The following CRYBG1 variants were observed in gnomAD, a reference collection of about 807,000 sequenced individuals.
The protein encoded by CRYBG1 is crystallin beta-gamma domain containing 1, also known as beta/gamma crystallin domain-containing protein 1.
In CRYBG1, 139 loss-of-function variants were observed where a neutral mutation model predicts 189.2. The ratio of observed to expected loss-of-function variants is 0.73; its 90% confidence interval spans 0.64 to 0.85. The LOEUF (loss-of-function observed/expected upper bound fraction) is 0.85. Among genes scored for constraint, CRYBG1 ranks in the 40% least tolerant of loss-of-function variants. The probability of loss-of-function intolerance (pLI) is 0.00; values close to 1 mark genes in which losing one functional copy is unlikely to be tolerated. For missense variants in CRYBG1, 2,611 were observed against 2,675.8 expected (o/e 0.98, Z 0.53); for synonymous variants, 1,023 against 1,017.1 (o/e 1.01, Z -0.11).
At chr6:106,469,671 C>T (rs948380324) in intron 2 of CRYBG1, among the ~76,000 whole-genome samples, 1 of 152,234 alleles carries the variant, frequency 6.6e-6, no homozygotes, top group South Asian at 2.1e-4. Context: ...GTTTTGTAAT[C>T]GTTGATATTA....
chr6:106,427,385 A>G (rs1771246207), intron 1 of CRYBG1, among the ~76,000 whole-genome samples: 1 of 152,150 alleles, frequency 6.6e-6, no homozygotes, highest in African/African-American at 2.4e-5. Flanking sequence ...ATCTCAGTAA[A>G]TCTAAATAAT....
At chr6:106,361,632 C>T (rs189508779) in intron 1 of CRYBG1, among the ~76,000 whole-genome samples, 1 of 152,314 alleles carries the variant, frequency 6.6e-6, no homozygotes, top group East Asian at 1.9e-4. Context: ...GGCTTCTCCC[C>T]ATTGGAGCCA....
At chr6:106,551,743 C>G in intron 13 of CRYBG1, 109 bp from the exon 14 acceptor site, 1 of 1,286,752 alleles carries the variant, frequency 7.8e-7, no homozygotes, top group Admixed American at 2.1e-5. Context: ...ATTAAAATTT[C>G]AATTGGCAAA....
At chr6:106,480,078 T>C (rs1004664191) in intron 2 of CRYBG1, among the ~76,000 whole-genome samples, 2 of 152,190 alleles carry the variant, frequency 1.3e-5, no homozygotes, top group African/African-American at 4.8e-5. Context: ...TTTTGAGTTA[T>C]TTTTTGTATG....
intron 11 of CRYBG1, among the ~76,000 whole-genome samples, chr6:106,543,844 G>C (rs896650329): frequency 3.3e-5 from 5 of 152,188 alleles, no homozygotes; most frequent in East Asian, 1.9e-4. Context: ...CTGAGGTCAG[G>C]AGTTCAAGAC....
At chr6:106,406,442 T>A (rs78375694) in intron 1 of CRYBG1, among the ~76,000 whole-genome samples, 3 of 151,988 alleles carry the variant, frequency 2.0e-5, no homozygotes, top group African/African-American at 7.3e-5. Context: ...GGAACCAAGT[T>A]GGAAAACACT....
rs1582850636 is a variant in CRYBG1, at chr6:106,571,913, T to C, written c.*3347T>C. 15 of 835,508 alleles carry C rather than the reference T, an allele frequency of 1.8e-5. No individual in the cohort carries two copies. The East Asian group carries it at 2.9e-4, about 16-fold the overall frequency. 51.8% of individuals were successfully genotyped at this position (835,508 alleles called of 1,614,324 possible). On this transcript the variant is annotated 3_prime_UTR_variant, in exon 22 of 22. Coordinates refer to ENST00000633556, the MANE Select transcript of CRYBG1 (RefSeq NM_001371242.2). ...GTATAATCTAATCTGGAAAAATGTTTGAAAGGGATGGCTAGAAAAAAATTT... is the reference window on the plus strand; with the variant it reads ...GTATAATCTAATCTGGAAAAATGTTCGAAAGGGATGGCTAGAAAAAAATTT...
In CRYBG1 at chr6:106,511,815, C is replaced by T. The variant is rs1773265745; in HGVS notation, c.698C>T (p.Pro233Leu). The change falls in exon 3 of 22, where the codon CCC becomes CTC. Residue 233 changes from proline (P) to leucine (L), a missense_variant. Transcript: ENST00000633556. ...CAGCAGTGCCATGAAAATGATTCAC[C>T]CCAATTAGAACCTCTGGAGGCAGAG... is the stretch of plus-strand genomic sequence containing the variant. ...AVQQCHENDS[P>L]QLEPLEAEGE... 6.6e-7 allele frequency: 1 copy of T among 1,524,162 alleles called. No individual in the cohort carries two copies. The highest frequency in any genetic ancestry group is 2.5e-5 in the East Asian group (1 of 40,698). The allele number at this position is 1,524,162 out of a possible 1,614,324, so 94.4% of individuals were successfully genotyped here. A position where few individuals can be genotyped will look rare whatever the true frequency, so the allele number is the denominator to read the frequency against.
chr6:106,566,489 T>TTTTTTTTTTTTTA (rs1774892430), intron 21 of CRYBG1, among the ~76,000 whole-genome samples: 1 of 142,746 alleles, frequency 7.0e-6, no homozygotes. Context: ...TTTTTTTTTT[T>TTTTTTTTTTTTTA]GAGACGGAGT....
At chr6:106,450,088 G>A (rs1383162312) in intron 1 of CRYBG1, among the ~76,000 whole-genome samples, 2 of 151,908 alleles carry the variant, frequency 1.3e-5, no homozygotes, top group African/African-American at 4.8e-5. Context: ...TTAGCTGGGT[G>A]TGGTGGCACA....
At chr6:106,518,324 A>C (rs1479829886) in intron 3 of CRYBG1, among the ~76,000 whole-genome samples, 3 of 152,256 alleles carry the variant, frequency 2.0e-5, no homozygotes, top group Non-Finnish European at 4.4e-5. Context: ...GGATGAGATG[A>C]ATAAAATATC....
In CRYBG1 at chr6:106,544,552, C is replaced by A. The variant is rs764920909; in HGVS notation, c.5040-19C>A. The A allele has an allele frequency of 3.7e-6, 6 of 1,610,612 alleles. No homozygotes were observed. Among genetic ancestry groups the A allele is most frequent in the Non-Finnish European group, 5.1e-6 (6 of 1,178,688 alleles). On this transcript the variant is annotated intron_variant, in intron 11 of 21. Transcript: ENST00000633556. Reference sequence around the variant, plus strand: ...AACATGTCTGGAAATGACTACTCCTCGTGTTCTTTATGTTGCAGTTGGGTT... The same window carrying A: ...AACATGTCTGGAAATGACTACTCCTAGTGTTCTTTATGTTGCAGTTGGGTT...
chr6:106,488,418 G>A (rs1454549115), intron 2 of CRYBG1, among the ~76,000 whole-genome samples: 1 of 152,184 alleles, frequency 6.6e-6, no homozygotes. Context: ...CTCCAAGCTG[G>A]CTGTCAAACC....
chr6:106,421,156 G>A (rs1340556379), intron 1 of CRYBG1, among the ~76,000 whole-genome samples: 1 of 152,176 alleles, frequency 6.6e-6, no homozygotes, highest in Admixed American at 6.5e-5. Context: ...GCCAAGGAAG[G>A]TGAACAGATG....
intron 2 of CRYBG1, among the ~76,000 whole-genome samples, chr6:106,495,833 AAAAAC>A (rs1239812205): frequency 1.3e-5 from 2 of 150,970 alleles, no homozygotes; most frequent in Non-Finnish European, 3.0e-5. Context: ...AAAAAAAAAA[AAAAAC>A]AACTTTCCCC....
At chr6:106,404,827 TG>T (rs1363271614) in intron 1 of CRYBG1, among the ~76,000 whole-genome samples, 1 of 152,272 alleles carries the variant, frequency 6.6e-6, no homozygotes, top group South Asian at 2.1e-4. Flanking sequence ...GGGACTGTGC[TG>T]TGAGGAACGG....
At chr6:106,549,498 G>A (rs1774349535) in intron 13 of CRYBG1, among the ~76,000 whole-genome samples, 1 of 152,160 alleles carries the variant, frequency 6.6e-6, no homozygotes, top group Non-Finnish European at 1.5e-5. Flanking sequence ...TAGCACTTTA[G>A]GAGGCTGAGG....
chr6:106,438,136 C>T (rs1397218011), intron 1 of CRYBG1, among the ~76,000 whole-genome samples: 2 of 152,192 alleles, frequency 1.3e-5, no homozygotes, highest in African/African-American at 4.8e-5. Flanking sequence ...CCATTCTACA[C>T]CTCCCTGGAA....
At chr6:106,428,377 ATTTTAC>A (rs541736167) in intron 1 of CRYBG1, among the ~76,000 whole-genome samples, 83 of 152,106 alleles carry the variant, frequency 5.5e-4, no homozygotes, top group South Asian at 1.0e-3. Flanking sequence ...TATCTGGTAT[ATTTTAC>A]TTTTCTTTTT....
Sources: gnomAD v4.1 joint callset for allele counts (sites outside exome capture counted in the v4.1 genomes callset) on GRCh38, gnomAD v4.1.1 for gene constraint, MANE v1.5 for transcripts, NCBI Gene and HGNC (gene_info 2026-07-23, HGNC 2026-07-21) for gene names.